The following NEMP1 variants were observed in gnomAD, a reference collection of about 807,000 sequenced individuals.
The protein encoded by NEMP1 is nuclear envelope integral membrane protein 1.
Under a neutral mutation model 53.7 loss-of-function variants are expected in NEMP1, and 29 were observed. The observed-to-expected ratio is 0.54, with a 90% confidence interval of 0.40 to 0.74. The LOEUF (loss-of-function observed/expected upper bound fraction) is 0.74, where lower values mean the gene tolerates loss of function less well. Among genes scored for constraint, NEMP1 ranks in the 30% least tolerant of loss-of-function variants. NEMP1 has a pLI of 0.00. For synonymous variants in NEMP1, 193 were observed against 192.9 expected (o/e 1.00, Z 0.00); for missense variants, 477 against 528.6 (o/e 0.90, Z 0.96).
At chr12:57,076,967 G>C (rs1047033031) in intron 1 of NEMP1, among the ~76,000 whole-genome samples, 1 of 149,528 alleles carries the variant, frequency 6.7e-6, no homozygotes, top group African/African-American at 2.5e-5. Context: ...GGGCGGGCGG[G>C]GGGTGGAGAA....
chr12:57,062,950 T>C (rs954538558), intron 7 of NEMP1, among the ~76,000 whole-genome samples, 169 bp downstream of exon 7: 4 of 149,592 alleles, frequency 2.7e-5, no homozygotes, highest in Admixed American at 2.0e-4. Context: ...AAAATTCCTA[T>C]AGAAAGTAAA....
Position 57,073,367 on chromosome 12 carries a change from C to T in NEMP1, c.128-455G>A, listed in dbSNP as rs181661530. Among the ~76,000 whole-genome samples the T allele has an allele frequency of 2.6e-4, 40 of 151,776 alleles. No homozygotes were observed. In the East Asian group the frequency reaches 7.4e-3, roughly 28 times the overall value. ...TATTAAGACAGTATGCTGCCAGGCG[C>T]GGTGGCTCATGCCTGTAATCCCAGC... On this transcript the variant is annotated intron_variant, in intron 1 of 8. Coordinates refer to ENST00000300128, the MANE Select transcript of NEMP1 (RefSeq NM_001130963.2).
intron 1 of NEMP1, among the ~76,000 whole-genome samples, chr12:57,086,029 TGAG>T (rs2032980082): frequency 6.6e-6 from 1 of 152,052 alleles, no homozygotes; most frequent in Non-Finnish European, 1.5e-5. Flanking sequence ...CAAAGAGCAA[TGAG>T]GAGGCCACCG....
intron 1 of NEMP1, among the ~76,000 whole-genome samples, chr12:57,086,724 C>T (rs1281063951): frequency 6.6e-6 from 1 of 152,022 alleles, no homozygotes; most frequent in African/African-American, 2.4e-5. Flanking sequence ...CTGCGGGCTG[C>T]GGGGGCGCTC....
chr12:57,071,719 C>G (rs1188786065), intron 2 of NEMP1, among the ~76,000 whole-genome samples: 2 of 151,786 alleles, frequency 1.3e-5, no homozygotes, highest in East Asian at 3.9e-4. Context: ...TAAAAATCCA[C>G]AAGTTGGCTG....
rs148453163 is a variant in NEMP1 at position 57,070,383 on chromosome 12, A to G, written c.472+291T>C. Among the ~76,000 whole-genome samples, 183 of 152,394 alleles carry G rather than the reference A, an allele frequency of 1.2e-3. 1 individual carries two copies. The highest frequency in any genetic ancestry group is 3.9e-3 in the African/African-American group (162 of 41,594). On this transcript the variant is annotated intron_variant, in intron 3 of 8. Coordinates refer to ENST00000300128, the MANE Select transcript of NEMP1 (RefSeq NM_001130963.2). ...GATTTACTCTAAGAGTATTTGGCATATATGCTCAGGGACATTAGCAGCACA... is the reference window on the plus strand; with the variant it reads ...GATTTACTCTAAGAGTATTTGGCATGTATGCTCAGGGACATTAGCAGCACA...
chr12:57,082,855 T>C (rs1229953087), upstream of NEMP1, among the ~76,000 whole-genome samples: 2 of 145,948 alleles, frequency 1.4e-5, no homozygotes, highest in Non-Finnish European at 3.0e-5. Flanking sequence ...CTACAAAGAA[T>C]ACAAAAAAAA....
At chr12:57,085,027 T>C (rs1469975091) in intron 1 of NEMP1, among the ~76,000 whole-genome samples, 1 of 152,160 alleles carries the variant, frequency 6.6e-6, no homozygotes, top group East Asian at 1.9e-4. Context: ...CTCCCTAGGC[T>C]CGTTTCTAAC....
chr12:57,072,077 C>T (rs1340593348), intron 2 of NEMP1, among the ~76,000 whole-genome samples: 1 of 152,126 alleles, frequency 6.6e-6, no homozygotes, highest in Non-Finnish European at 1.5e-5. Flanking sequence ...AACAGTGGGG[C>T]AAAAGAGTTT....
rs138621286 is a variant in NEMP1, at chr12:57,059,913, C to T, written c.1301G>A (p.Cys434Tyr). ...AAAGTTGTTCTGTGTGATAGCAGGA[C>T]ACCGAGAATATGAGTCCTCCTCCTC... ...SSEEEDSYSRCPAITQNNFLT is the reference protein window; with the variant it reads ...SSEEEDSYSRYPAITQNNFLT The change falls in exon 9 of 9, where the codon TGT (cysteine) becomes TAT (tyrosine). Residue 434 changes from cysteine (C) to tyrosine (Y), a missense_variant. Physicochemically the swap from Cys to Tyr is radical, Grantham distance 194 (BLOSUM62 -2). Coordinates refer to ENST00000300128, the MANE Select transcript of NEMP1 (RefSeq NM_001130963.2). 3.1e-6 allele frequency: 5 copies of T among 1,613,716 alleles called. No individual in the cohort carries two copies. The African/African-American group carries it at 6.7e-5, about 22-fold the overall frequency.
intron 1 of NEMP1, 112 bp downstream of exon 1, chr12:57,078,507 G>A (rs2032735346): frequency 9.9e-6 from 14 of 1,408,748 alleles, no homozygotes; most frequent in Non-Finnish European, 1.3e-5. Context: ...GCGGCCCTCG[G>A]TAGAGCCACC....
rs1303795928 is a variant in NEMP1 at position 57,056,228 on chromosome 12, T to A, written c.*3651A>T. On this transcript the variant is annotated 3_prime_UTR_variant, in exon 9 of 9. Transcript: ENST00000300128. ...GTCACATAAGGCACCAACATCCTTT[T>A]CAAGGTAGTAACCATCTAGAATCAA... is the stretch of plus-strand genomic sequence containing the variant. 2.0e-5 allele frequency: 3 copies of A among 152,198 alleles called. No individual in the cohort carries two copies. Among genetic ancestry groups the A allele is most frequent in the African/African-American group, 7.2e-5 (3 of 41,450 alleles). The allele number at this position is 152,198 out of a possible 1,614,324, so 9.4% of individuals were successfully genotyped here.
intron 1 of NEMP1, among the ~76,000 whole-genome samples, chr12:57,076,248 G>A (rs1351816993): frequency 6.6e-6 from 1 of 152,146 alleles, no homozygotes; most frequent in Non-Finnish European, 1.5e-5. Flanking sequence ...ATTTTTACCA[G>A]GCAGATGGCA....
chr12:57,069,260 T>C lies in NEMP1; in HGVS notation c.519A>G (p.Leu173=), dbSNP rs759855040. The C allele has an allele frequency of 1.0e-5, 16 of 1,547,154 alleles. No homozygotes were observed. Among genetic ancestry groups the C allele is most frequent in the Admixed American group, 2.0e-5 (1 of 49,700 alleles). ...LFLVFLLGLM[L]FFCGDLLSRS... The stretch of plus-strand genomic sequence containing the variant: ...TGCTCAGCAAGTCTCCACAAAAAAA[T>C]AGCATAAGTCCAAGAAGGAAAACAA... Residue 173 remains leucine, a synonymous_variant, in exon 4 of 9, where the codon CTA becomes CTG. Transcript: ENST00000300128.
intron 1 of NEMP1, among the ~76,000 whole-genome samples, chr12:57,075,433 A>G (rs2032560822): frequency 7.0e-6 from 1 of 143,680 alleles, no homozygotes; most frequent in African/African-American, 2.5e-5. Flanking sequence ...ATAAATAAAT[A>G]GTTGGGAGCC....
intron 1 of NEMP1, among the ~76,000 whole-genome samples, chr12:57,073,881 A>T (rs765944333): frequency 5.3e-5 from 8 of 152,308 alleles, no homozygotes; most frequent in Non-Finnish European, 1.0e-4. Flanking sequence ...CTGTCCTATA[A>T]AGGAATAAAG....
chr12:57,057,435 G>A lies in NEMP1; in HGVS notation c.*2444C>T, dbSNP rs932154754. The A allele has an allele frequency of 6.6e-6, 1 of 152,330 alleles. No individual in the cohort carries two copies. The highest frequency in any genetic ancestry group is 1.5e-5 in the Non-Finnish European group (1 of 68,132). The allele number at this position is 152,330 out of a possible 1,614,324, so 9.4% of individuals were successfully genotyped here. A position where few individuals can be genotyped will look rare whatever the true frequency, so the allele number is the denominator to read the frequency against. On this transcript the variant is annotated 3_prime_UTR_variant, in exon 9 of 9. Coordinates refer to ENST00000300128, the MANE Select transcript of NEMP1 (RefSeq NM_001130963.2). Reference sequence around the variant, plus strand: ...AGTGACTGAGCCAGCAAACTAAGTGGCCAAGAGGGAGACAAGAGCAGCTCC... The same window carrying A: ...AGTGACTGAGCCAGCAAACTAAGTGACCAAGAGGGAGACAAGAGCAGCTCC...
chr12:57,065,919 A>T (rs1346671034), intron 4 of NEMP1, among the ~76,000 whole-genome samples: 3 of 152,120 alleles, frequency 2.0e-5, no homozygotes, highest in Non-Finnish European at 4.4e-5. Context: ...ACAGAATTGA[A>T]GACAGTTAGG....
chr12:57,066,408 T>C (rs2032079733), intron 4 of NEMP1, among the ~76,000 whole-genome samples: 1 of 152,220 alleles, frequency 6.6e-6, no homozygotes, highest in Non-Finnish European at 1.5e-5. Flanking sequence ...CTTCAAGAAC[T>C]TTCCCTTTGC....
Sources: gnomAD v4.1 joint callset for allele counts (sites outside exome capture counted in the v4.1 genomes callset) on GRCh38, gnomAD v4.1.1 for gene constraint, MANE v1.5 for transcripts, NCBI Gene and HGNC (gene_info 2026-07-23, HGNC 2026-07-21) for gene names.